KDM4B: variants seen among roughly 807,000 people sequenced by gnomAD.
KDM4B encodes lysine-specific demethylase 4B.
A neutral mutation model predicts 125.2 loss-of-function variants in KDM4B; 32 were observed. The ratio of observed to expected loss-of-function variants is 0.26; its 90% confidence interval spans 0.19 to 0.34. The LOEUF (loss-of-function observed/expected upper bound fraction) is 0.34. KDM4B is among the 10% of genes least tolerant of loss of function. The probability of loss-of-function intolerance (pLI) is 1.00; values close to 1 mark genes in which losing one functional copy is unlikely to be tolerated. For synonymous variants in KDM4B, 721 were observed against 677.9 expected (o/e 1.06, Z -0.99); for missense variants, 1,190 against 1,577.7 (o/e 0.75, Z 4.16).
At chr19:5,102,108 G>C (rs1184017309) in intron 9 of KDM4B, among the ~76,000 whole-genome samples, 1 of 152,172 alleles carries the variant, frequency 6.6e-6, no homozygotes, top group Non-Finnish European at 1.5e-5. Context: ...TGAGGCGTGG[G>C]GTGCGTGCCC....
chr19:5,066,670 G>T (rs143964738), intron 6 of KDM4B, among the ~76,000 whole-genome samples: 1 of 152,222 alleles, frequency 6.6e-6, no homozygotes, highest in Non-Finnish European at 1.5e-5. Context: ...TCACCACCAC[G>T]TATGGCTCTC....
chr19:5,032,248 G>A (rs1273883201), intron 2 of KDM4B, among the ~76,000 whole-genome samples: 1 of 152,204 alleles, frequency 6.6e-6, no homozygotes, highest in African/African-American at 2.4e-5. Context: ...AGGGCTGGTG[G>A]GCTGGTTTAT....
At chr19:5,020,731 T>A (rs1315263776) in intron 2 of KDM4B, among the ~76,000 whole-genome samples, 1 of 152,202 alleles carries the variant, frequency 6.6e-6, no homozygotes, top group African/African-American at 2.4e-5. Context: ...TCCTCCTAAA[T>A]AGAATGCTAG....
chr19:5,150,792 G>A (rs1599285024), intron 22 of KDM4B, among the ~76,000 whole-genome samples: 1 of 152,178 alleles, frequency 6.6e-6, no homozygotes, highest in African/African-American at 2.4e-5. Flanking sequence ...TGCACAGGGC[G>A]GCCTCTGAAC....
intron 9 of KDM4B, among the ~76,000 whole-genome samples, chr19:5,106,272 G>A (rs533552092): frequency 2.0e-5 from 3 of 152,288 alleles, no homozygotes; most frequent in Admixed American, 6.5e-5. Flanking sequence ...GTGTGCGCGC[G>A]CGTGCAAGCG....
Position 5,035,863 on chromosome 19 carries a change from C to CTGTGTGTGTGTGTGTG in KDM4B, c.141+2835_141+2850dup, listed in dbSNP as rs376827867. 1.1e-3 allele frequency among the ~76,000 whole-genome samples: 158 copies of CTGTGTGTGTGTGTGTG among 142,272 alleles called. 2 individuals are homozygous for CTGTGTGTGTGTGTGTG. Among genetic ancestry groups the CTGTGTGTGTGTGTGTG allele is most frequent in the African/African-American group, 3.7e-3 (143 of 38,528 alleles). The allele number at this position is 142,272 out of a possible 152,430, so 93.3% of individuals were successfully genotyped here. A position where few individuals can be genotyped will look rare whatever the true frequency, so the allele number is the denominator to read the frequency against. On this transcript the variant is annotated intron_variant, in intron 3 of 22. Transcript: ENST00000159111. This position sits in a 1 kb window ranked among gnomAD's most constrained non-coding sequence, Gnocchi z 5.3. Reference sequence around the variant, plus strand: ...GGAGGGGCTGTGTGTGCACGTGTCTCTGTGTGTGTGTGTGTGTGCGCGCGC... The same window carrying CTGTGTGTGTGTGTGTG: ...GGAGGGGCTGTGTGTGCACGTGTCTCTGTGTGTGTGTGTGTGTGTGTGTGTGTGTGTGTGCGCGCGC...
In KDM4B at chr19:5,135,333, C is replaced by T. The variant is rs374737107; in HGVS notation, c.2086-6C>T. The T allele has an allele frequency of 6.2e-7, 1 of 1,603,124 alleles. No homozygotes were observed. Among genetic ancestry groups the T allele is most frequent in the Non-Finnish European group, 8.5e-7 (1 of 1,171,054 alleles). On this transcript the variant is annotated splice_region_variant and splice_polypyrimidine_tract_variant and intron_variant, in intron 14 of 22. Coordinates refer to ENST00000159111, the MANE Select transcript of KDM4B (RefSeq NM_015015.3). ...CTGTCCCCTGAAGGTCGCCTCTCCC[C>T]TACAGGCCCTACAGACTGAGAAGGA...
Position 5,151,473 on chromosome 19 carries a change from C to T in KDM4B, c.3253C>T (p.Leu1085Phe). Residue 1085 changes from leucine (L) to phenylalanine (F), a missense_variant, in exon 23 of 23, where the codon CTC becomes TTC. By Grantham distance (22) the Leu-to-Phe change is conservative (BLOSUM62 0). Around this residue, in one of 7 missense-constraint regions of KDM4B, gnomAD observed 109 missense variants for 93.8 expected, o/e 1.16. Transcript: ENST00000159111. ...GGACTACGTGGCCTTCGTGGAGAGCCTCCTGCAGGTGCAGGGCCGGCCCGG... is the reference window on the plus strand; with the variant it reads ...GGACTACGTGGCCTTCGTGGAGAGCTTCCTGCAGGTGCAGGGCCGGCCCGG... ...SQDYVAFVESLLQVQGRPGAP... is the reference protein window; with the variant it reads ...SQDYVAFVESFLQVQGRPGAP... 6.6e-7 allele frequency: 1 copy of T among 1,507,112 alleles called. No individual in the cohort carries two copies. Among genetic ancestry groups the T allele is most frequent in the Non-Finnish European group, 8.9e-7 (1 of 1,127,452 alleles). The allele number at this position is 1,507,112 out of a possible 1,614,324, so 93.4% of individuals were successfully genotyped here.
chr19:5,065,629 C>T (rs1224225714), intron 6 of KDM4B, among the ~76,000 whole-genome samples: 8 of 152,160 alleles, frequency 5.3e-5, no homozygotes, highest in South Asian at 2.1e-4. Flanking sequence ...AAACTCTTTC[C>T]GGGGCCAGCG....
chr19:5,088,655 GCCCCCCCCCT>G (rs2038584854), intron 9 of KDM4B, among the ~76,000 whole-genome samples: 1 of 98,078 alleles, frequency 1.0e-5, no homozygotes, highest in Non-Finnish European at 2.2e-5. Flanking sequence ...GACAGGCCAG[GCCCCCCCCCT>G]CCCCCCCCCC....
At position 5,038,291 on chromosome 19, in the gene KDM4B, C is replaced by T. The variant is rs557128108; in HGVS notation, c.142-1545C>T. 1.8e-4 allele frequency among the ~76,000 whole-genome samples: 27 copies of T among 152,330 alleles called. No homozygotes were observed. In the South Asian group the frequency reaches 2.5e-3, roughly 14 times the overall value. On this transcript the variant is annotated intron_variant, in intron 3 of 22. Coordinates refer to ENST00000159111, the MANE Select transcript of KDM4B (RefSeq NM_015015.3). Reference sequence around the variant, plus strand: ...CACCCAGAAGGCCCGTGGTGCCCACCGGCAGTCTAGAATCTGGTCTTGTCG... The same window carrying T: ...CACCCAGAAGGCCCGTGGTGCCCACTGGCAGTCTAGAATCTGGTCTTGTCG...
Position 5,077,498 on chromosome 19 carries a change from G to T in KDM4B, c.780+28G>T. 2.5e-6 allele frequency: 4 copies of T among 1,572,482 alleles called. No homozygotes were observed. In the East Asian group the frequency reaches 8.9e-5, roughly 35 times the overall value. On this transcript the variant is annotated intron_variant, in intron 8 of 22. Transcript: ENST00000159111. ...GCGTACGGGTGGGGCCTGCACGCCT[G>T]TGGGTGAAGTGGGTACCGGGTCCAA...
At chr19:5,080,186 TCA>T (rs1478787174) in intron 8 of KDM4B, among the ~76,000 whole-genome samples, 1 of 152,216 alleles carries the variant, frequency 6.6e-6, no homozygotes, top group Non-Finnish European at 1.5e-5. Flanking sequence ...AAGAAAAATA[TCA>T]CAGTGTTCTT....
chr19:5,128,326 C>T (rs917077166), intron 11 of KDM4B, among the ~76,000 whole-genome samples: 27 of 152,202 alleles, frequency 1.8e-4, no homozygotes, highest in Admixed American at 1.7e-3. Context: ...GCATCTTCCT[C>T]CCTCTCCTGA....
intron 10 of KDM4B, 112 bp from the exon 11 acceptor site, chr19:5,119,541 G>C: frequency 9.4e-7 from 1 of 1,065,380 alleles, no homozygotes; most frequent in Non-Finnish European, 1.4e-6. Flanking sequence ...CCCTGCTCAT[G>C]GAGCGCTCTT....
intron 11 of KDM4B, among the ~76,000 whole-genome samples, chr19:5,128,215 G>A (rs193218023): frequency 2.0e-4 from 31 of 152,228 alleles, no homozygotes; most frequent in South Asian, 6.2e-4. Flanking sequence ...TGGGGGTGCC[G>A]GCTGGGGACT....
intron 2 of KDM4B, among the ~76,000 whole-genome samples, chr19:5,032,154 G>A (rs576243564): frequency 3.9e-5 from 6 of 152,336 alleles, no homozygotes; most frequent in South Asian, 4.1e-4. Context: ...CGCAGCCTCC[G>A]TGGAGAGGAC....
rs1047572287 is a variant in KDM4B, at chr19:4,971,191, G to A, written c.-109+1961G>A. Among the ~76,000 whole-genome samples, 1 of 152,128 alleles carries A rather than the reference G, an allele frequency of 6.6e-6. No individual in the cohort carries two copies. The highest frequency in any genetic ancestry group is 2.4e-5 in the African/African-American group (1 of 41,414). ...TTGGGGAGGGGGCTGCTAACAAGAT[G>A]TTAACTGCTGGCGCTTAAAGGTATA... On this transcript the variant is annotated intron_variant, in intron 1 of 22. Coordinates refer to ENST00000159111, the MANE Select transcript of KDM4B (RefSeq NM_015015.3). This position sits in a 1 kb window ranked among gnomAD's most constrained non-coding sequence, Gnocchi z 4.1.
chr19:5,136,854 G>A (rs1314219793), intron 15 of KDM4B, among the ~76,000 whole-genome samples: 1 of 152,218 alleles, frequency 6.6e-6, no homozygotes, highest in African/African-American at 2.4e-5. Context: ...TCCAGACCCA[G>A]GGCCACATCC....
Sources: gnomAD v4.1 joint callset for allele counts (sites outside exome capture counted in the v4.1 genomes callset) on GRCh38, gnomAD v4.1.1 for gene constraint, gnomAD v4.1.1 regional missense constraint, Gnocchi (gnomAD v3.1) non-coding constraint, MANE v1.5 for transcripts, NCBI Gene and HGNC (gene_info 2026-07-23, HGNC 2026-07-21) for gene names.